MAPK10: variants seen among roughly 807,000 people sequenced by gnomAD.
MAPK10 encodes JNK3 alpha protein kinase.
Under a neutral mutation model 59.3 loss-of-function variants are expected in MAPK10, and 25 were observed. That is an observed-to-expected ratio of 0.42 (90% CI 0.31 to 0.59). The LOEUF (loss-of-function observed/expected upper bound fraction) is 0.59, where lower values mean the gene tolerates loss of function less well. Ranked by LOEUF, MAPK10 falls within the 20% of genes least tolerant of loss-of-function variation. MAPK10 has a pLI of 0.15. For missense variants in MAPK10, 351 were observed against 568.9 expected, an observed-to-expected ratio of 0.62 and a Z score of 3.90; for synonymous variants, 190 against 200.5, an observed-to-expected ratio of 0.95 and a Z score of 0.44.
chr4:86,372,564 G>GAAAGAAAAAGAAAAGAAAAGA lies in MAPK10; in HGVS notation c.-121-17921_-121-17920insTCTTTTCTTTTCTTTTTCTTT, dbSNP rs1554253766. 8.8e-4 allele frequency among the ~76,000 whole-genome samples: 69 copies of GAAAGAAAAAGAAAAGAAAAGA among 78,714 alleles called. 2 individuals carry two copies. Among genetic ancestry groups the GAAAGAAAAAGAAAAGAAAAGA allele is most frequent in the Non-Finnish European group, 1.6e-3 (59 of 36,036 alleles). 51.6% of individuals were successfully genotyped at this position (78,714 alleles called of 152,430 possible). Reference sequence around the variant, plus strand: ...AGAAAGAAAGAAAGAAAGAAAGAAAGAAAGAAAAGAAAAGAAAAGAAAAGA... The same window carrying GAAAGAAAAAGAAAAGAAAAGA: ...AGAAAGAAAGAAAGAAAGAAAGAAAGAAAGAAAAAGAAAAGAAAAGAAAAGAAAAGAAAAGAAAAGAAAAGA... On this transcript the variant is annotated intron_variant, in intron 1 of 13. Coordinates refer to the MAPK10 transcript ENST00000361569.
At chr4:86,520,480 A>T (rs1320894810) in intron 1 of MAPK10, among the ~76,000 whole-genome samples, 4 of 151,884 alleles carry the variant, frequency 2.6e-5, no homozygotes, top group Admixed American at 1.3e-4. Context: ...TCTGTTCTTT[A>T]TGATATCTGT....
chr4:86,193,799 G>C (rs1261766697), intron 3 of MAPK10: 1 of 159,268 alleles, frequency 6.3e-6, no homozygotes, highest in African/African-American at 2.4e-5. Flanking sequence ...GCACCACTGG[G>C]GTATGAAAAG....
At chr4:86,268,235 A>G (rs1049859077) in intron 2 of MAPK10, 5 of 151,860 alleles carry the variant, frequency 3.3e-5, no homozygotes, top group African/African-American at 1.2e-4. Flanking sequence ...CTTCCCCCAT[A>G]CTCCACATAG....
At chr4:86,113,901 T>C (rs890706242) in intron 4 of MAPK10, among the ~76,000 whole-genome samples, 3 of 152,212 alleles carry the variant, frequency 2.0e-5, no homozygotes, top group African/African-American at 7.2e-5. Flanking sequence ...CTCAGAAGTT[T>C]TGTTCATTCC....
chr4:86,283,911 A>G (rs1201269959), intron 2 of MAPK10, among the ~76,000 whole-genome samples: 1 of 152,162 alleles, frequency 6.6e-6, no homozygotes, highest in Non-Finnish European at 1.5e-5. Context: ...TCCATGTGGG[A>G]AAAGGGGGGT....
chr4:86,398,068 G>A (rs1292344822), intron 1 of MAPK10, among the ~76,000 whole-genome samples: 1 of 151,848 alleles, frequency 6.6e-6, no homozygotes, highest in Non-Finnish European at 1.5e-5. Flanking sequence ...TCAGTTCTGG[G>A]GAGATAGAGG....
intron 1 of MAPK10, among the ~76,000 whole-genome samples, chr4:86,416,307 G>A (rs1017502818): frequency 6.6e-6 from 1 of 152,212 alleles, no homozygotes; most frequent in African/African-American, 2.4e-5. Context: ...CTCCAGAACT[G>A]TGAGAAATAC....
intron 2 of MAPK10, among the ~76,000 whole-genome samples, chr4:86,334,364 A>G (rs1342311202): frequency 6.6e-6 from 1 of 152,104 alleles, no homozygotes; most frequent in East Asian, 1.9e-4. Flanking sequence ...ACCACCTTGT[A>G]CCTTCACTGT....
intron 11 of MAPK10, among the ~76,000 whole-genome samples, chr4:86,058,340 G>T (rs191060916): frequency 4.1e-4 from 61 of 149,506 alleles, no homozygotes; most frequent in Non-Finnish European, 8.3e-4. Flanking sequence ...CACAGATGCT[G>T]TCCTCCCCCT....
intron 2 of MAPK10, among the ~76,000 whole-genome samples, chr4:86,283,761 G>A (rs1038270502): frequency 6.6e-6 from 1 of 152,112 alleles, no homozygotes. Flanking sequence ...CCCTTTGATG[G>A]TTGCTTGTAG....
At chr4:86,414,745 A>G (rs1280870258) in intron 1 of MAPK10, among the ~76,000 whole-genome samples, 1 of 151,788 alleles carries the variant, frequency 6.6e-6, no homozygotes, top group Non-Finnish European at 1.5e-5. Context: ...TTTTGCTTTT[A>G]AGTTTTGGTT....
At chr4:86,285,123 T>C (rs1353297893) in intron 2 of MAPK10, among the ~76,000 whole-genome samples, 3 of 152,192 alleles carry the variant, frequency 2.0e-5, no homozygotes, top group Non-Finnish European at 4.4e-5. Flanking sequence ...TGGGAATAAA[T>C]GCAGTAGAGT....
chr4:86,107,187 T>C, intron 5 of MAPK10, 36 bp downstream of exon 5: 1 of 1,555,620 alleles, frequency 6.4e-7, no homozygotes, highest in South Asian at 1.2e-5. Context: ...TCTTACAAAC[T>C]CCCACTGCCA....
At chr4:86,482,433 T>C (rs1753678197) in intron 1 of MAPK10, among the ~76,000 whole-genome samples, 1 of 152,172 alleles carries the variant, frequency 6.6e-6, no homozygotes. Context: ...ACACTCCTCT[T>C]TTCCTTTTCA....
At chr4:86,407,734 A>G (rs1744544690) in intron 1 of MAPK10, among the ~76,000 whole-genome samples, 2 of 152,172 alleles carry the variant, frequency 1.3e-5, no homozygotes, top group African/African-American at 4.8e-5. Context: ...TAAATGTAAT[A>G]AAATATAAAA....
chr4:86,392,508 C>T (rs1193675677), intron 1 of MAPK10: 1 of 151,544 alleles, frequency 6.6e-6, no homozygotes, highest in Non-Finnish European at 1.5e-5. Context: ...CCAAGACACA[C>T]CTGTTCAGTT....
chr4:86,266,557 A>G (rs1025100940), intron 2 of MAPK10, among the ~76,000 whole-genome samples: 1 of 152,176 alleles, frequency 6.6e-6, no homozygotes, highest in African/African-American at 2.4e-5. Context: ...CTCTACCACT[A>G]CAAGTCAATT....
chr4:86,520,346 A>T (rs1757023057), intron 1 of MAPK10, among the ~76,000 whole-genome samples: 2 of 152,118 alleles, frequency 1.3e-5, no homozygotes. Context: ...AATTGAATTA[A>T]CTTGAAAGCC....
At chr4:86,275,975 T>C (rs2094564716) in intron 2 of MAPK10, among the ~76,000 whole-genome samples, 2 of 152,118 alleles carry the variant, frequency 1.3e-5, no homozygotes, top group African/African-American at 2.4e-5. Context: ...TCCCTAAACT[T>C]TGTAAATTCT....
Sources: allele counts gnomAD v4.1 joint callset (sites outside exome capture counted in the v4.1 genomes callset), GRCh38; gene constraint gnomAD v4.1.1; transcripts MANE v1.5; gene names NCBI Gene and HGNC (gene_info 2026-07-23, HGNC 2026-07-21).